The following PAPSS1 variants were observed in gnomAD, a reference collection of about 807,000 sequenced individuals.
The protein encoded by PAPSS1 is 3'-phosphoadenosine 5'-phosphosulfate synthase 1.
A neutral mutation model predicts 72.0 loss-of-function variants in PAPSS1; 50 were observed. The ratio of observed to expected loss-of-function variants is 0.69; its 90% CI spans 0.55 to 0.88. The LOEUF (loss-of-function observed/expected upper bound fraction) is 0.88. Ranked by LOEUF, PAPSS1 falls within the 40% of genes least tolerant of loss-of-function variation. The pLI is 0.00. For missense variants in PAPSS1, 657 were observed against 782.2 expected, an observed-to-expected ratio of 0.84 and a Z score of 1.91; for synonymous variants, 261 against 263.6, an observed-to-expected ratio of 0.99 and a Z score of 0.09.
At chr4:107,637,581 T>C (rs1165829611) in intron 10 of PAPSS1, among the ~76,000 whole-genome samples, 2 of 152,186 alleles carry the variant, frequency 1.3e-5, no homozygotes, top group African/African-American at 4.8e-5. Flanking sequence ...GAATAATGAA[T>C]TGAACAATTA....
At chr4:107,615,094 T>C (rs1045076917) in intron 11 of PAPSS1, among the ~76,000 whole-genome samples, 15 of 151,472 alleles carry the variant, frequency 9.9e-5, no homozygotes, top group Non-Finnish European at 1.9e-4. Context: ...GAATTTTTTT[T>C]CTTCTGGAAC....
chr4:107,626,610 T>C (rs1726107555), intron 11 of PAPSS1, among the ~76,000 whole-genome samples: 1 of 152,234 alleles, frequency 6.6e-6, no homozygotes, highest in South Asian at 2.1e-4. Context: ...GCCTGAAATC[T>C]TCATAAAGTT....
intron 1 of PAPSS1, among the ~76,000 whole-genome samples, chr4:107,702,218 A>T (rs1216906186): frequency 2.6e-5 from 4 of 152,214 alleles, no homozygotes; most frequent in African/African-American, 9.6e-5. Flanking sequence ...TGGAATCCTC[A>T]TATATTTGTT....
chr4:107,628,777 T>C (rs928966867), intron 11 of PAPSS1, among the ~76,000 whole-genome samples: 1 of 152,162 alleles, frequency 6.6e-6, no homozygotes, highest in Admixed American at 6.5e-5. Context: ...AGCTACACAT[T>C]TTGGGCTAAG....
chr4:107,718,993 G>A (rs999551354), intron 1 of PAPSS1, among the ~76,000 whole-genome samples: 10 of 152,180 alleles, frequency 6.6e-5, no homozygotes, highest in African/African-American at 2.4e-4. Context: ...AAATGGCAAA[G>A]CTGGGATGAG....
chr4:107,698,523 G>A (rs982347297), intron 2 of PAPSS1, among the ~76,000 whole-genome samples: 1 of 152,176 alleles, frequency 6.6e-6, no homozygotes, highest in African/African-American at 2.4e-5. Context: ...TCTTGGATCC[G>A]TGAGGGGAGG....
intron 10 of PAPSS1, among the ~76,000 whole-genome samples, 181 bp from the exon 11 acceptor site, chr4:107,632,041 C>T (rs1560566172): frequency 2.6e-5 from 4 of 151,916 alleles, no homozygotes; most frequent in Admixed American, 2.0e-4. Flanking sequence ...AAACCTCCCC[C>T]AAACCAAAAG....
intron 5 of PAPSS1, among the ~76,000 whole-genome samples, chr4:107,675,032 C>T (rs1196490250): frequency 6.6e-6 from 1 of 151,990 alleles, no homozygotes; most frequent in African/African-American, 2.4e-5. Flanking sequence ...ACATTCAAAG[C>T]AGTGTGTAGA....
At chr4:107,662,096 G>A (rs748478554) in intron 5 of PAPSS1, among the ~76,000 whole-genome samples, 3 of 152,034 alleles carry the variant, frequency 2.0e-5, no homozygotes, top group Non-Finnish European at 4.4e-5. Context: ...AAACATCAAG[G>A]AAAAGAAAAC....
intron 2 of PAPSS1, among the ~76,000 whole-genome samples, chr4:107,696,098 T>A (rs1272792231): frequency 6.6e-6 from 1 of 152,224 alleles, no homozygotes; most frequent in South Asian, 2.1e-4. Context: ...TATGGAGAAA[T>A]AGGAACGCTT....
chr4:107,634,796 C>CCTT, intron 10 of PAPSS1, among the ~76,000 whole-genome samples: 1 of 106,342 alleles, frequency 9.4e-6, no homozygotes, highest in African/African-American at 4.4e-5. Flanking sequence ...ATATTCTAGA[C>CCTT]ATTTTTTTTT....
At chr4:107,714,136 C>T (rs1393091415) in intron 1 of PAPSS1, among the ~76,000 whole-genome samples, 1 of 152,196 alleles carries the variant, frequency 6.6e-6, no homozygotes, top group South Asian at 2.1e-4. Flanking sequence ...CTTCAAGCTG[C>T]ACCATCCCCC....
rs10670438 is a variant in PAPSS1, at chr4:107,621,608, CTTTTTTTTTTTT to C, written c.1737-7233_1737-7222del. Among the ~76,000 whole-genome samples, 38 of 48,154 alleles carry C rather than the reference CTTTTTTTTTTTT, an allele frequency of 7.9e-4. 1 individual carries two copies. Among genetic ancestry groups the C allele is most frequent in the South Asian group, 2.9e-3 (3 of 1,050 alleles). 31.6% of individuals were successfully genotyped at this position (48,154 alleles called of 152,430 possible). A position where few individuals can be genotyped will look rare whatever the true frequency, so the allele number is the denominator to read the frequency against. ...CTTTCTAGGAAGACAGGTTTTTTAT[CTTTTTTTTTTTT>C]TTTTTTTTTTTTTTTTTTGAGAAGG... On this transcript the variant is annotated intron_variant, in intron 11 of 11. Transcript: ENST00000265174.
At chr4:107,694,341 A>G (rs1578427483) in intron 2 of PAPSS1, 2 of 242,330 alleles carry the variant, frequency 8.3e-6, no homozygotes, top group South Asian at 7.0e-5. Flanking sequence ...TCATTATGCA[A>G]AGCAATCTCT....
At chr4:107,664,423 T>A (rs1727263877) in intron 5 of PAPSS1, among the ~76,000 whole-genome samples, 1 of 152,156 alleles carries the variant, frequency 6.6e-6, no homozygotes, top group South Asian at 2.1e-4. Context: ...TAATCCAGCA[T>A]CCCTAGTTCA....
At chr4:107,665,021 C>T (rs1026341609) in intron 5 of PAPSS1, among the ~76,000 whole-genome samples, 1 of 152,140 alleles carries the variant, frequency 6.6e-6, no homozygotes, top group Non-Finnish European at 1.5e-5. Context: ...CTTCTGATAC[C>T]TAACCAATGC....
At chr4:107,629,446 C>T (rs112337234) in intron 11 of PAPSS1, among the ~76,000 whole-genome samples, 3 of 152,222 alleles carry the variant, frequency 2.0e-5, no homozygotes, top group South Asian at 2.1e-4. Context: ...ATAGACATCT[C>T]AGTTGGTTTG....
intron 9 of PAPSS1, among the ~76,000 whole-genome samples, chr4:107,651,064 G>C (rs140596030): frequency 6.6e-6 from 1 of 152,246 alleles, no homozygotes; most frequent in Non-Finnish European, 1.5e-5. Flanking sequence ...CAAAAAAGAA[G>C]AGAAATGAGC....
intron 2 of PAPSS1, among the ~76,000 whole-genome samples, chr4:107,700,508 T>A (rs1208642898): frequency 6.6e-6 from 1 of 152,214 alleles, no homozygotes; most frequent in Non-Finnish European, 1.5e-5. Flanking sequence ...TCTTTCTGGT[T>A]GTACCATGCT....
Sources: gnomAD v4.1 joint callset for allele counts (sites outside exome capture counted in the v4.1 genomes callset) on GRCh38, gnomAD v4.1.1 for gene constraint, MANE v1.5 for transcripts, NCBI Gene and HGNC (gene_info 2026-07-23, HGNC 2026-07-21) for gene names.